The following HERC2 variants were observed in gnomAD, a reference collection of about 807,000 sequenced individuals.
HERC2 encodes HECT and RLD domain containing E3 ubiquitin protein ligase 2, also known as E3 ubiquitin-protein ligase HERC2.
HERC2 carries 102 observed loss-of-function variants against 537.7 expected under a neutral mutation model. The ratio of observed to expected loss-of-function variants is 0.19; its 90% CI spans 0.16 to 0.22. HERC2 has a LOEUF of 0.22. HERC2 is among the 10% of genes least tolerant of loss of function. HERC2 has a pLI of 1.00. For synonymous variants in HERC2, 2,224 were observed against 2,466.2 expected (o/e 0.90, Z 2.91); for missense variants, 4,236 against 6,198.2 (o/e 0.68, Z 10.63).
At chr15:28,123,420 C>CT (rs767172952) in intron 85 of HERC2, among the ~76,000 whole-genome samples, 1 of 152,230 alleles carries the variant, frequency 6.6e-6, no homozygotes, top group Non-Finnish European at 1.5e-5. Context: ...TCAAGATCAT[C>CT]TTGTCAAGCT....
intron 78 of HERC2, among the ~76,000 whole-genome samples, chr15:28,137,210 T>C (rs1890736631): frequency 6.6e-6 from 1 of 152,206 alleles, no homozygotes; most frequent in South Asian, 2.1e-4. Flanking sequence ...TCCTGAGAAT[T>C]GACACAGAGG....
chr15:28,281,208 A>T (rs1169966512), intron 4 of HERC2, among the ~76,000 whole-genome samples: 1 of 152,160 alleles, frequency 6.6e-6, no homozygotes, highest in Non-Finnish European at 1.5e-5. Flanking sequence ...AAATTTCCAT[A>T]CTAACAAGTG....
At chr15:28,316,283 T>G (rs1385559661) in intron 2 of HERC2, among the ~76,000 whole-genome samples, 1 of 151,050 alleles carries the variant, frequency 6.6e-6, no homozygotes, top group African/African-American at 2.4e-5. Flanking sequence ...TAAACCCTTT[T>G]CCTTTTTTTT....
chr15:28,148,952 A>C (rs1396519471), intron 70 of HERC2, among the ~76,000 whole-genome samples: 1 of 151,976 alleles, frequency 6.6e-6, no homozygotes, highest in Non-Finnish European at 1.5e-5. Flanking sequence ...GAACGGCCAC[A>C]CCAACATACA....
intron 5 of HERC2, 84 bp downstream of exon 5, chr15:28,279,984 T>G: frequency 9.3e-7 from 1 of 1,076,686 alleles, no homozygotes; most frequent in Non-Finnish European, 1.4e-6. Flanking sequence ...CAGCCTATAT[T>G]GAAAACCTTA....
rs1899384984 is a variant in HERC2, at chr15:28,212,683, C to T, written c.6787-100G>A. 2.3e-5 allele frequency: 28 copies of T among 1,218,084 alleles called. No individual in the cohort carries two copies. In the South Asian group the frequency reaches 3.9e-4, roughly 17 times the overall value. 75.5% of individuals were successfully genotyped at this position (1,218,084 alleles called of 1,614,324 possible). A position where few individuals can be genotyped will look rare whatever the true frequency, so the allele number is the denominator to read the frequency against. On this transcript the variant is annotated intron_variant, in intron 42 of 92. Coordinates refer to ENST00000261609, the MANE Select transcript of HERC2 (RefSeq NM_004667.6). Reference sequence around the variant, plus strand: ...CCATGGGCTTAATCCTGAAATGCCACACATACCCGTAAGCCTTTTATAGCT... The same window carrying T: ...CCATGGGCTTAATCCTGAAATGCCATACATACCCGTAAGCCTTTTATAGCT...
At chr15:28,273,335 C>G (rs747022512) in intron 7 of HERC2, among the ~76,000 whole-genome samples, 17 of 152,126 alleles carry the variant, frequency 1.1e-4, no homozygotes, top group Admixed American at 1.1e-3. Flanking sequence ...GTTTCAATGA[C>G]GTATAAGACT....
chr15:28,113,757 A>G lies in HERC2; in HGVS notation c.13914-79T>C, dbSNP rs924934844. Reference sequence around the variant, plus strand: ...CTGCTCACACCAAGCCTTGGCATGCAGCACTGTGGCCGCACACGTCCCAGC... The same window carrying G: ...CTGCTCACACCAAGCCTTGGCATGCGGCACTGTGGCCGCACACGTCCCAGC... On this transcript the variant is annotated intron_variant, in intron 90 of 92. Coordinates refer to ENST00000261609, the MANE Select transcript of HERC2 (RefSeq NM_004667.6). This position sits in a 1 kb window ranked among gnomAD's most constrained non-coding sequence, Gnocchi z 7.0. The G allele has an allele frequency of 5.0e-6, 6 of 1,195,886 alleles. No homozygotes were observed. Among genetic ancestry groups the G allele is most frequent in the Non-Finnish European group, 7.3e-6 (6 of 816,572 alleles). The allele number at this position is 1,195,886 out of a possible 1,614,324, so 74.1% of individuals were successfully genotyped here. A position where few individuals can be genotyped will look rare whatever the true frequency, so the allele number is the denominator to read the frequency against.
At position 28,154,968 on chromosome 15, in the gene HERC2, A is replaced by C. The variant is rs1045347514; in HGVS notation, c.10747-2138T>G. On this transcript the variant is annotated intron_variant, in intron 69 of 92. Transcript: ENST00000261609. ...GTGTGATGTTCCCCTTCCTGTGTCC[A>C]AGTGTTCTCATTGTTCAATTCCCAC... Among the ~76,000 whole-genome samples the C allele has an allele frequency of 3.1e-5, 4 of 130,652 alleles. No individual in the cohort carries two copies. The Admixed American group carries it at 3.6e-4, about 12-fold the overall frequency. The allele number at this position is 130,652 out of a possible 152,430, so 85.7% of individuals were successfully genotyped here. A position where few individuals can be genotyped will look rare whatever the true frequency, so the allele number is the denominator to read the frequency against.
At position 28,214,236 on chromosome 15, in the gene HERC2, G is replaced by A; in HGVS notation, c.6395C>T (p.Ala2132Val). ...TLRRRRVRPQ[A>V]SLTATHSSTL... is the part of the protein sequence containing the mutation. ...GCTGCTGTGGGTGGCAGTCAGCGAG[G>A]CCTGCGGGCGCACCCTGCGCCGCCT... The change falls in exon 41 of 93, where the codon GCC becomes GTC. Residue 2132 changes from alanine (A) to valine (V), a missense_variant. By Grantham distance (64) the Ala-to-Val change is moderately conservative. Around this residue, in one of 27 missense-constraint regions of HERC2, gnomAD observed 365 missense variants for 468.8 expected, o/e 0.78. Transcript: ENST00000261609. 2 of 1,611,908 alleles carry A rather than the reference G, an allele frequency of 1.2e-6. No homozygotes were observed. The highest frequency in any genetic ancestry group is 1.7e-6 in the Non-Finnish European group (2 of 1,179,814).
chr15:28,269,186 A>T, intron 11 of HERC2, 62 bp downstream of exon 11: 1 of 1,339,752 alleles, frequency 7.5e-7, no homozygotes, highest in South Asian at 1.3e-5. Context: ...GAGCTTGTGC[A>T]TCTGTAGGAC....
At chr15:28,117,416 AAC>A (rs752130443) in intron 86 of HERC2, 5 of 691,582 alleles carry the variant, frequency 7.2e-6, no homozygotes, top group South Asian at 3.0e-5. Context: ...TGTCTGAACA[AAC>A]ACACCTTCCA....
intron 92 of HERC2, among the ~76,000 whole-genome samples, chr15:28,112,545 G>A (rs1489277477): frequency 6.6e-6 from 1 of 152,226 alleles, no homozygotes; most frequent in African/African-American, 2.4e-5. Flanking sequence ...GACACATGCT[G>A]GGAACAGTGG....
At position 28,198,747 on chromosome 15, in the gene HERC2, C is replaced by A. The variant is rs1234100158; in HGVS notation, c.7739G>T (p.Cys2580Phe). ...TTCGCACACTTCTTCATACGCTCGG[C>A]AGCATCTAACCATCATTCCCACCTA... ...NIQVGMMVRC[C>F]RAYEEVCEGD... Residue 2580 changes from cysteine (C) to phenylalanine (F), a missense_variant, in exon 49 of 93, where the codon TGC becomes TTC. Cys to Phe is a radical substitution (Grantham distance 205). This residue lies in a region of HERC2 where 606 missense variants were observed against 884.5 expected (regional missense o/e 0.69). Transcript: ENST00000261609. 1.2e-6 allele frequency: 2 copies of A among 1,613,142 alleles called. No individual in the cohort carries two copies.
At chr15:28,303,192 G>A (rs1346502588) in intron 2 of HERC2, among the ~76,000 whole-genome samples, 1 of 152,234 alleles carries the variant, frequency 6.6e-6, no homozygotes, top group African/African-American at 2.4e-5. Context: ...TATGGTGAGA[G>A]ATAGCGGTCT....
At chr15:28,210,910 C>A in intron 44 of HERC2, 92 bp downstream of exon 44, 1 of 1,067,424 alleles carries the variant, frequency 9.4e-7, no homozygotes, top group Non-Finnish European at 1.5e-6. Context: ...TATAAGCCAC[C>A]TATGTCCATT....
rs967029318 is a variant in HERC2 at position 28,142,816 on chromosome 15, T to A, written c.11544+11A>T. The stretch of plus-strand genomic sequence containing the variant: ...CTCTATTGTCACTTTAAAAAAGAAG[T>A]GAAACATTACCTTAAAGAATGGGCT... On this transcript the variant is annotated intron_variant, in intron 75 of 92. Coordinates refer to ENST00000261609, the MANE Select transcript of HERC2 (RefSeq NM_004667.6). The A allele has an allele frequency of 6.6e-7, 1 of 1,511,790 alleles. No homozygotes were observed. Among genetic ancestry groups the A allele is most frequent in the Non-Finnish European group, 8.9e-7 (1 of 1,118,246 alleles). 93.6% of individuals were successfully genotyped at this position (1,511,790 alleles called of 1,614,324 possible). A position where few individuals can be genotyped will look rare whatever the true frequency, so the allele number is the denominator to read the frequency against.
intron 67 of HERC2, 72 bp from the exon 68 acceptor site, chr15:28,167,899 G>A: frequency 6.7e-7 from 1 of 1,487,216 alleles, no homozygotes; most frequent in Non-Finnish European, 9.1e-7. Flanking sequence ...TCCTATGCAA[G>A]TCCCAAATGC....
chr15:28,279,615 CCACACACA>C (rs58447102), intron 5 of HERC2, among the ~76,000 whole-genome samples: 76 of 141,682 alleles, frequency 5.4e-4, no homozygotes, highest in African/African-American at 2.0e-3. Flanking sequence ...GACCCCATCT[CCACACACA>C]CACACACACA....
Sources: gnomAD v4.1 joint callset for allele counts (sites outside exome capture counted in the v4.1 genomes callset) on GRCh38, gnomAD v4.1.1 for gene constraint, gnomAD v4.1.1 regional missense constraint, Gnocchi (gnomAD v3.1) non-coding constraint, MANE v1.5 for transcripts, NCBI Gene and HGNC (gene_info 2026-07-23, HGNC 2026-07-21) for gene names.